ANK2: variants seen among roughly 807,000 people sequenced by gnomAD.
The protein encoded by ANK2 is ankyrin 2.
Under a neutral mutation model 360.5 loss-of-function variants are expected in ANK2, and 83 were observed. That is an observed-to-expected ratio of 0.23 (90% CI 0.19 to 0.28). The LOEUF is 0.28. Ranked by LOEUF, ANK2 falls within the 10% of genes least tolerant of loss-of-function variation. The pLI is 1.00. For missense variants in ANK2, 4,201 were observed against 4,795.7 expected (o/e 0.88, Z 3.66); for synonymous variants, 1,740 against 1,759.5 (o/e 0.99, Z 0.28).
chr4:113,015,085 C>T lies in ANK2; in HGVS notation c.21+110571C>T, dbSNP rs1329065469. ...GTGTTAGCCAGGATGGCCTCGATCTCCTGACCTCATGATCCGCCCGCCTCT... is the reference window on the plus strand; with the variant it reads ...GTGTTAGCCAGGATGGCCTCGATCTTCTGACCTCATGATCCGCCCGCCTCT... On this transcript the variant is annotated intron_variant, in intron 2 of 30. Transcript: ENST00000503271. Among the ~76,000 whole-genome samples, 4 of 151,814 alleles carry T rather than the reference C, an allele frequency of 2.6e-5. 1 individual carries two copies. In the South Asian group the frequency reaches 6.2e-4, roughly 24 times the overall value.
upstream of ANK2, among the ~76,000 whole-genome samples, chr4:112,816,125 G>T (rs1452090666): frequency 6.6e-6 from 1 of 152,142 alleles, no homozygotes; most frequent in African/African-American, 2.4e-5. Flanking sequence ...TTAACCTGTG[G>T]TGTCTGCGTT....
intron 26 of ANK2, among the ~76,000 whole-genome samples, chr4:113,320,086 G>T (rs972721711): frequency 6.6e-6 from 1 of 152,126 alleles, no homozygotes; most frequent in African/African-American, 2.4e-5. Context: ...TTTAAAAGAA[G>T]TTCTTTCATT....
chr4:112,733,346 A>G, the ANK2 span, among the ~76,000 whole-genome samples: 1 of 152,134 alleles, frequency 6.6e-6, no homozygotes, highest in African/African-American at 2.4e-5. Context: ...CACATGTAAA[A>G]TCCTAGTTTA....
intron 1 of ANK2, among the ~76,000 whole-genome samples, chr4:112,839,234 C>T (rs1268679313): frequency 6.6e-6 from 1 of 152,160 alleles, no homozygotes; most frequent in African/African-American, 2.4e-5. Context: ...TCACAGGTCC[C>T]AGTTTTAAAA....
At chr4:113,055,581 A>G (rs2069298920) in intron 1 of ANK2, among the ~76,000 whole-genome samples, 1 of 152,216 alleles carries the variant, frequency 6.6e-6, no homozygotes, top group Non-Finnish European at 1.5e-5. Flanking sequence ...AGCAGCAATG[A>G]CACAAGAAAA....
chr4:113,255,625 TCCCCTGCCA>T, intron 10 of ANK2, 101 bp from the exon 11 acceptor site: 1 of 1,086,630 alleles, frequency 9.2e-7, no homozygotes, highest in Non-Finnish European at 1.4e-6. Context: ...AATTATTTTT[TCCCCTGCCA>T]CTAACTGTGT....
chr4:113,038,540 T>C lies in ANK2; in HGVS notation c.21+134026T>C, dbSNP rs573502120. 2.0e-5 allele frequency among the ~76,000 whole-genome samples: 3 copies of C among 152,102 alleles called. No homozygotes were observed. In the East Asian group the frequency reaches 5.8e-4, roughly 30 times the overall value. On this transcript the variant is annotated intron_variant, in intron 2 of 30. Transcript: ENST00000503271. ...TACTTGCTGGCCATCTGTGGCCTAG[T>C]ACATTTCCCAAGATGGCTCCCCTTC... is the stretch of plus-strand genomic sequence containing the variant.
At chr4:112,998,107 A>T (rs1443547724) in intron 2 of ANK2, among the ~76,000 whole-genome samples, 1 of 152,064 alleles carries the variant, frequency 6.6e-6, no homozygotes, top group African/African-American at 2.4e-5. Context: ...TCCATTAGTT[A>T]AGACTGATGT....
chr4:112,835,152 A>G (rs1579330068), intron 1 of ANK2, among the ~76,000 whole-genome samples: 1 of 152,224 alleles, frequency 6.6e-6, no homozygotes, highest in Admixed American at 6.5e-5. Flanking sequence ...TGTTTTTGGC[A>G]TGCAGTGATT....
intron 1 of ANK2, among the ~76,000 whole-genome samples, chr4:113,071,566 C>A (rs187955091): frequency 2.3e-4 from 35 of 152,296 alleles, no homozygotes; most frequent in Non-Finnish European, 1.5e-5. Context: ...GATCAGCTAA[C>A]ATGCGCAGTG....
At chr4:112,863,082 A>G (rs1399489270) in intron 1 of ANK2, among the ~76,000 whole-genome samples, 2 of 152,162 alleles carry the variant, frequency 1.3e-5, no homozygotes, top group African/African-American at 4.8e-5. Flanking sequence ...TGTGTAGAAC[A>G]AAGGATTAGG....
intron 1 of ANK2, among the ~76,000 whole-genome samples, chr4:113,151,617 C>T (rs2097089068): frequency 6.6e-6 from 1 of 152,114 alleles, no homozygotes; most frequent in Admixed American, 6.5e-5. Flanking sequence ...CACATTTCAA[C>T]TTGAGGTTTG....
Position 113,354,477 on chromosome 4 carries a change from A to G in ANK2, c.5859A>G (p.Thr1953=). ...GRTDKHQPVS[T]AGKTEKHLPV... ...CGGACAAGCACCAACCTGTATCAAC[A>G]GCTGGGAAAACTGAGAAGCACCTGC... Residue 1953 remains threonine (T), a synonymous_variant, in exon 38 of 46, where the codon ACA becomes ACG. Transcript: ENST00000357077. 6.2e-7 allele frequency: 1 copy of G among 1,614,140 alleles called. No homozygotes were observed. The highest frequency in any genetic ancestry group is 8.5e-7 in the Non-Finnish European group (1 of 1,180,006).
chr4:112,771,746 C>T, the ANK2 span, among the ~76,000 whole-genome samples: 5 of 152,048 alleles, frequency 3.3e-5, no homozygotes, highest in East Asian at 1.9e-4. Context: ...CCACCGTGCC[C>T]GGCTCATTTT....
At chr4:113,215,053 A>G (rs1366618878) in intron 4 of ANK2, among the ~76,000 whole-genome samples, 2 of 152,210 alleles carry the variant, frequency 1.3e-5, no homozygotes, top group Non-Finnish European at 2.9e-5. Context: ...TTTAAATAAC[A>G]TATTAACTGG....
intron 41 of ANK2, 68 bp from the exon 42 acceptor site, chr4:113,367,498 A>G (rs1306483722): frequency 9.9e-6 from 14 of 1,413,384 alleles, no homozygotes; most frequent in Non-Finnish European, 1.4e-5. Flanking sequence ...TCTTATATTT[A>G]TTACTTAATA....
intron 1 of ANK2, among the ~76,000 whole-genome samples, chr4:112,893,111 A>G (rs1010818655): frequency 9.9e-5 from 15 of 152,148 alleles, no homozygotes; most frequent in African/African-American, 3.4e-4. Flanking sequence ...GTTAACTTCA[A>G]TTTTCTCAGA....
chr4:112,719,961 T>C, the ANK2 span, among the ~76,000 whole-genome samples: 2 of 152,190 alleles, frequency 1.3e-5, no homozygotes, highest in African/African-American at 4.8e-5. Flanking sequence ...GAGCACAGTT[T>C]TGGGGGAGGT....
At chr4:113,172,904 A>G (rs2098037240) in intron 1 of ANK2, among the ~76,000 whole-genome samples, 1 of 152,244 alleles carries the variant, frequency 6.6e-6, no homozygotes, top group Non-Finnish European at 1.5e-5. Context: ...AAACAGCAAA[A>G]TAAATTTCAT....
Sources: gnomAD v4.1 joint callset for allele counts (sites outside exome capture counted in the v4.1 genomes callset) on GRCh38, gnomAD v4.1.1 for gene constraint, MANE v1.5 for transcripts, NCBI Gene and HGNC (gene_info 2026-07-23, HGNC 2026-07-21) for gene names.